Variants in RIMS2 observed in about 807,000 individuals in gnomAD.
RIMS2 encodes the protein regulating synaptic membrane exocytosis 2.
In RIMS2, 59 loss-of-function variants were observed where a neutral mutation model predicts 174.4. That is an observed-to-expected ratio of 0.34 (90% CI 0.27 to 0.42). The LOEUF is 0.42. RIMS2 is among the 10% of genes least tolerant of loss of function. The probability of loss-of-function intolerance (pLI) is 1.00; values close to 1 mark genes in which losing one functional copy is unlikely to be tolerated. For synonymous variants in RIMS2, 606 were observed against 572.5 expected, an observed-to-expected ratio of 1.06 and a Z score of -0.84; for missense variants, 1,620 against 1,666.3, an observed-to-expected ratio of 0.97 and a Z score of 0.48.
At chr8:103,585,769 C>T (rs1414220446) in intron 1 of RIMS2, among the ~76,000 whole-genome samples, 1 of 151,726 alleles carries the variant, frequency 6.6e-6, no homozygotes, top group Non-Finnish European at 1.5e-5. Context: ...AAGATAAATA[C>T]CTAATGCATG....
At chr8:103,819,359 C>T in intron 3 of RIMS2, 1 of 1,525,178 alleles carries the variant, frequency 6.6e-7, no homozygotes. Flanking sequence ...TAACTATCAA[C>T]CTCTGTTCAT....
chr8:103,639,926 T>C (rs535606134), intron 1 of RIMS2, among the ~76,000 whole-genome samples: 3 of 152,076 alleles, frequency 2.0e-5, no homozygotes, highest in East Asian at 3.9e-4. Context: ...GATCAAATCA[T>C]AAGAACTGAC....
Position 104,230,982 on chromosome 8 carries a change from C to T in RIMS2, c.3335-13934C>T, listed in dbSNP as rs2099224637. Among the ~76,000 whole-genome samples, 3 of 152,084 alleles carry T rather than the reference C, an allele frequency of 2.0e-5. No individual in the cohort carries two copies. In the South Asian group the frequency reaches 6.2e-4, roughly 32 times the overall value. ...TGGCACATGAATAAAAACTTTCAAA[C>T]ATTATTTGGGCCAAACAAAACACAC... On this transcript the variant is annotated intron_variant, in intron 19 of 23. Coordinates refer to ENST00000504942, the Ensembl canonical transcript of RIMS2.
intron 4 of RIMS2, among the ~76,000 whole-genome samples, chr8:103,893,561 A>G (rs1406219521): frequency 1.3e-5 from 2 of 152,128 alleles, no homozygotes; most frequent in Non-Finnish European, 2.9e-5. Context: ...TGTGGGCACA[A>G]TTCAGCCCAT....
chr8:103,569,993 T>C (rs2092690753), intron 1 of RIMS2, among the ~76,000 whole-genome samples: 1 of 152,198 alleles, frequency 6.6e-6, no homozygotes, highest in Non-Finnish European at 1.5e-5. Context: ...TCTTTGCTAG[T>C]GTCTGGAAAT....
intron 1 of RIMS2, among the ~76,000 whole-genome samples, chr8:103,663,935 T>C (rs2096635352): frequency 6.6e-6 from 1 of 152,084 alleles, no homozygotes; most frequent in African/African-American, 2.4e-5. Flanking sequence ...CCAAAACAGT[T>C]ATGTAGACCA....
intron 19 of RIMS2, among the ~76,000 whole-genome samples, chr8:104,210,392 G>T (rs1251379988): frequency 6.6e-6 from 1 of 152,130 alleles, no homozygotes; most frequent in East Asian, 1.9e-4. Context: ...ATATTACACT[G>T]CATAAAATAT....
chr8:104,080,969 A>C (rs2097406572), intron 19 of RIMS2, among the ~76,000 whole-genome samples: 1 of 152,070 alleles, frequency 6.6e-6, no homozygotes, highest in Non-Finnish European at 1.5e-5. Context: ...CTATAGCACT[A>C]GGCCTAGCAC....
intron 2 of RIMS2, among the ~76,000 whole-genome samples, chr8:103,722,568 G>A (rs976174507): frequency 6.6e-6 from 1 of 152,140 alleles, no homozygotes; most frequent in African/African-American, 2.4e-5. Context: ...ACACTGATCT[G>A]ACAGGAGGCA....
At chr8:103,961,604 G>A (rs957338383) in intron 15 of RIMS2, among the ~76,000 whole-genome samples, 3 of 151,954 alleles carry the variant, frequency 2.0e-5, no homozygotes, top group East Asian at 1.9e-4. Context: ...TAAAATATTT[G>A]CCTCATTTTA....
At chr8:103,849,350 G>A (rs2098984865) in intron 3 of RIMS2, among the ~76,000 whole-genome samples, 1 of 152,038 alleles carries the variant, frequency 6.6e-6, no homozygotes, top group African/African-American at 2.4e-5. Flanking sequence ...AGGGATTTCT[G>A]TACACATGAG....
At chr8:103,638,429 G>A (rs1367389249) in intron 1 of RIMS2, among the ~76,000 whole-genome samples, 1 of 151,600 alleles carries the variant, frequency 6.6e-6, no homozygotes, top group Non-Finnish European at 1.5e-5. Flanking sequence ...TTCTTATTTG[G>A]CACTCTTCTG....
intron 1 of RIMS2, among the ~76,000 whole-genome samples, chr8:103,552,802 T>C (rs180953251): frequency 0.01 from 1,576 of 152,224 alleles, 28 homozygotes; most frequent in African/African-American, 0.036. Flanking sequence ...AACAGACACT[T>C]CTCAAAAGAA....
intron 4 of RIMS2, among the ~76,000 whole-genome samples, chr8:103,891,792 A>G (rs934529852): frequency 1.1e-4 from 16 of 152,204 alleles, no homozygotes; most frequent in African/African-American, 3.8e-4. Context: ...TTGTAAGATG[A>G]GAGGGTGAAT....
At chr8:104,182,643 G>T (rs1214641521) in intron 19 of RIMS2, among the ~76,000 whole-genome samples, 2 of 151,648 alleles carry the variant, frequency 1.3e-5, no homozygotes, top group Non-Finnish European at 3.0e-5. Context: ...TATAGTATGT[G>T]GTGTCTTTGA....
In RIMS2 at chr8:104,223,535, C is replaced by G. The variant is rs2099166505; in HGVS notation, c.3335-21381C>G. ...GAGGCAGGGGCCAGAGCCTCAGGGT[C>G]CCGTGGCACCAACCTGGCTTCTGGC... On this transcript the variant is annotated intron_variant, in intron 19 of 23. Transcript: ENST00000504942. The G allele has an allele frequency of 2.8e-6, 4 of 1,422,328 alleles. No individual in the cohort carries two copies. The African/African-American group carries it at 5.8e-5, about 21-fold the overall frequency. 88.1% of individuals were successfully genotyped at this position (1,422,328 alleles called of 1,614,324 possible).
intron 2 of RIMS2, among the ~76,000 whole-genome samples, chr8:103,753,570 G>C (rs1280085869): frequency 6.6e-6 from 1 of 151,882 alleles, no homozygotes; most frequent in Non-Finnish European, 1.5e-5. Flanking sequence ...GACTTTTTTT[G>C]GTTAGGAAGC....
At chr8:103,912,107 T>G (rs755178759) in exon 6 of RIMS2, 1 of 1,607,734 alleles carries the variant, frequency 6.2e-7, no homozygotes, top group Admixed American at 1.7e-5. Context: ...TGGTCGCATT[T>G]TATTAAATAA....
intron 12 of RIMS2, among the ~76,000 whole-genome samples, chr8:103,934,660 T>TA (rs1360394357): frequency 2.0e-5 from 3 of 152,048 alleles, no homozygotes; most frequent in African/African-American, 7.2e-5. Flanking sequence ...GTTCATGACT[T>TA]ACTTTTCTTT....
Sources: gnomAD v4.1 joint callset for allele counts (sites outside exome capture counted in the v4.1 genomes callset) on GRCh38, gnomAD v4.1.1 for gene constraint, MANE v1.5 for transcripts, NCBI Gene and HGNC (gene_info 2026-07-23, HGNC 2026-07-21) for gene names.